GNAS: variants seen among roughly 807,000 people sequenced by gnomAD.
GNAS encodes the protein GNAS complex locus, also known as protein ALEX.
GNAS carries 8 observed loss-of-function variants against 54.5 expected under a neutral mutation model. The observed-to-expected ratio is 0.15, with a 90% CI of 0.09 to 0.26. GNAS has a LOEUF of 0.26. Among genes scored for constraint, GNAS ranks in the 10% least tolerant of loss-of-function variants. The probability of loss-of-function intolerance (pLI) is 1.00; values close to 1 mark genes in which losing one functional copy is unlikely to be tolerated. For synonymous variants in GNAS, 204 were observed against 191.4 expected, an observed-to-expected ratio of 1.07 and a Z score of -0.54; for missense variants, 170 against 529.8, an observed-to-expected ratio of 0.32 and a Z score of 6.67.
intron 6 of GNAS, chr20:58,908,939 T>G (rs940856936): frequency 1.5e-6 from 1 of 659,550 alleles, no homozygotes; most frequent in Admixed American, 2.1e-5. Flanking sequence ...GTTCCCTGAT[T>G]CCTAAAATTA....
chr20:58,893,726 T>C (rs1031278980), intron 1 of GNAS, among the ~76,000 whole-genome samples: 2 of 152,266 alleles, frequency 1.3e-5, no homozygotes, highest in African/African-American at 4.8e-5. Flanking sequence ...GTTGGGATAT[T>C]AGTATGCGTA....
rs758874023 is a variant in GNAS, at chr20:58,854,713, G to T, written c.43+13827G>T. On this transcript the variant is annotated intron_variant, in intron 1 of 12. Coordinates refer to the GNAS transcript ENST00000306090. ...GCCGCCCCTGCGGCTGCTGAGACCCGGGCAGCCCATGTCGCCCCAGCTGCG... is the reference window on the plus strand; with the variant it reads ...GCCGCCCCTGCGGCTGCTGAGACCCTGGCAGCCCATGTCGCCCCAGCTGCG... 4 of 1,533,132 alleles carry T rather than the reference G, an allele frequency of 2.6e-6. No individual in the cohort carries two copies. In the Admixed American group the frequency reaches 5.9e-5, roughly 23 times the overall value. The allele number at this position is 1,533,132 out of a possible 1,614,324, so 95.0% of individuals were successfully genotyped here.
rs564999682 is a variant in GNAS, at chr20:58,854,645, C to T, written c.43+13759C>T. 23 of 1,530,246 alleles carry T rather than the reference C, an allele frequency of 1.5e-5. No homozygotes were observed. Among genetic ancestry groups the T allele is most frequent in the Middle Eastern group, 1.9e-4 (1 of 5,346 alleles). The allele number at this position is 1,530,246 out of a possible 1,614,324, so 94.8% of individuals were successfully genotyped here. A position where few individuals can be genotyped will look rare whatever the true frequency, so the allele number is the denominator to read the frequency against. On this transcript the variant is annotated intron_variant, in intron 1 of 12. Coordinates refer to the GNAS transcript ENST00000306090. Reference sequence around the variant, plus strand: ...ATCCCGACTCCGGGGCGGCCCCTGACGCCCCAGCCGATCCAGATGCCGGGG... The same window carrying T: ...ATCCCGACTCCGGGGCGGCCCCTGATGCCCCAGCCGATCCAGATGCCGGGG...
chr20:58,905,238 C>G lies in GNAS; in HGVS notation c.433-145C>G, dbSNP rs945080418. The G allele has an allele frequency of 4.4e-6, 3 of 682,062 alleles. No homozygotes were observed. The African/African-American group carries it at 5.3e-5, about 12-fold the overall frequency. The allele number at this position is 682,062 out of a possible 1,614,324, so 42.3% of individuals were successfully genotyped here. A position where few individuals can be genotyped will look rare whatever the true frequency, so the allele number is the denominator to read the frequency against. On this transcript the variant is annotated intron_variant, in intron 5 of 12. Transcript: ENST00000371085. Reference sequence around the variant, plus strand: ...GTGTTGAATTAAAGTTCTTTGTGAGCATTAATTCATTAATTGGGCTCAAAA... The same window carrying G: ...GTGTTGAATTAAAGTTCTTTGTGAGGATTAATTCATTAATTGGGCTCAAAA...
intron 2 of GNAS, among the ~76,000 whole-genome samples, chr20:58,896,276 C>A (rs2090042704): frequency 6.6e-6 from 1 of 151,820 alleles, no homozygotes; most frequent in South Asian, 2.1e-4. Context: ...ATCATTGTTT[C>A]CCTTTAAAAC....
At chr20:58,865,111 C>T (rs1410306166) in intron 1 of GNAS, among the ~76,000 whole-genome samples, 4 of 152,030 alleles carry the variant, frequency 2.6e-5, no homozygotes, top group African/African-American at 9.7e-5. Context: ...CTGTAACTTG[C>T]GTATCTTAAA....
Position 58,905,429 on chromosome 20 carries a change from G to A in GNAS, c.479G>A (p.Arg160His), listed in dbSNP as rs11554274. The change falls in exon 6 of 13, where the codon CGT (arginine) becomes CAT (histidine). Residue 160 changes from arginine (R) to histidine (H), a missense_variant. Physicochemically the swap from Arg to His is conservative, Grantham distance 29 (BLOSUM62 0). Transcript: ENST00000371085. ...GCTCTGTGGGAGGATGAAGGAGTGC[G>A]TGCCTGCTACGAACGCTCCAACGAG... ...AKALWEDEGV[R>H]ACYERSNEYQ... 6.2e-7 allele frequency: 1 copy of A among 1,610,756 alleles called. No individual in the cohort carries two copies. The highest frequency in any genetic ancestry group is 8.5e-7 in the Non-Finnish European group (1 of 1,176,930).
At chr20:58,897,954 T>G (rs2090221187) in intron 2 of GNAS, 1 of 152,254 alleles carries the variant, frequency 6.6e-6, no homozygotes, top group South Asian at 2.1e-4. Flanking sequence ...TGCGTTTTGT[T>G]AGGGCTCGGC....
intron 1 of GNAS, among the ~76,000 whole-genome samples, chr20:58,852,444 C>G (rs988540345): frequency 1.3e-5 from 2 of 152,230 alleles, no homozygotes; most frequent in African/African-American, 4.8e-5. Context: ...CCTACGCGTG[C>G]CTGCGCCCCT....
chr20:58,854,054 G>C (rs768075776), intron 1 of GNAS: 2 of 1,610,968 alleles, frequency 1.2e-6, no homozygotes, highest in Non-Finnish European at 1.7e-6. Context: ...CCTCGAGTGC[G>C]GTCCGCCTCA....
At chr20:58,851,437 A>G (rs1306027396) in intron 1 of GNAS, among the ~76,000 whole-genome samples, 1 of 152,126 alleles carries the variant, frequency 6.6e-6, no homozygotes, top group Non-Finnish European at 1.5e-5. Flanking sequence ...AGGGTTCTGC[A>G]GGTCAGATGA....
intron 1 of GNAS, among the ~76,000 whole-genome samples, chr20:58,864,586 T>C (rs1006197124): frequency 2.6e-5 from 4 of 151,776 alleles, no homozygotes; most frequent in African/African-American, 9.7e-5. Context: ...CACTAGATGG[T>C]GAGACAGTAT....
chr20:58,909,765 A>G lies in GNAS; in HGVS notation c.800A>G (p.Gln267Arg). 1.2e-6 allele frequency: 2 copies of G among 1,614,036 alleles called. No individual in the cohort carries two copies. The highest frequency in any genetic ancestry group is 1.7e-6 in the Non-Finnish European group (2 of 1,180,012). The change falls in exon 10 of 13, where the codon CAG becomes CGG. Residue 267 changes from glutamine to arginine, a missense_variant. Around this residue, in one of 3 missense-constraint regions of GNAS, gnomAD observed 36 missense variants for 223.0 expected, o/e 0.16. Transcript: ENST00000371085. This position sits in a 1 kb window ranked among gnomAD's most constrained non-coding sequence, Gnocchi z 7.3. Reference sequence around the variant, plus strand: ...GAGGACAACCAGACCAACCGCCTGCAGGAGGCTCTGAACCTCTTCAAGAGC... The same window carrying G: ...GAGGACAACCAGACCAACCGCCTGCGGGAGGCTCTGAACCTCTTCAAGAGC... ...IREDNQTNRL[Q>R]EALNLFKSIW...
chr20:58,851,157 A>C (rs2086155684), intron 1 of GNAS, among the ~76,000 whole-genome samples: 1 of 152,170 alleles, frequency 6.6e-6, no homozygotes, highest in Admixed American at 6.5e-5. Context: ...CATAGAGCTA[A>C]AGCGATATAT....
At chr20:58,871,623 A>G (rs962361562) in intron 1 of GNAS, among the ~76,000 whole-genome samples, 2 of 148,148 alleles carry the variant, frequency 1.3e-5, no homozygotes, top group Non-Finnish European at 3.0e-5. Context: ...GAAAAAAAAA[A>G]AAAAAACAAA....
chr20:58,892,082 A>G, intron 1 of GNAS: 1 of 961,622 alleles, frequency 1.0e-6, no homozygotes. Context: ...GGCCGTGGCG[A>G]CGCGGGCGCG....
chr20:58,864,860 T>C (rs1422008154), intron 1 of GNAS, among the ~76,000 whole-genome samples: 4 of 151,948 alleles, frequency 2.6e-5, no homozygotes, highest in African/African-American at 9.7e-5. Context: ...TTTATTGACA[T>C]TTTTTCATGG....
At chr20:58,851,993 G>A (rs1052980304) in intron 1 of GNAS, among the ~76,000 whole-genome samples, 2 of 152,104 alleles carry the variant, frequency 1.3e-5, no homozygotes, top group African/African-American at 4.8e-5. Flanking sequence ...CCCTAAACCG[G>A]CATTAAACCC....
intron 1 of GNAS, among the ~76,000 whole-genome samples, chr20:58,846,474 G>A (rs1319431102): frequency 6.6e-6 from 1 of 152,200 alleles, no homozygotes. Context: ...AATTTCATAG[G>A]TGTGGAGTTT....
Sources: gnomAD v4.1 joint callset for allele counts (sites outside exome capture counted in the v4.1 genomes callset) on GRCh38, gnomAD v4.1.1 for gene constraint, gnomAD v4.1.1 regional missense constraint, Gnocchi (gnomAD v3.1) non-coding constraint, MANE v1.5 for transcripts, NCBI Gene and HGNC (gene_info 2026-07-23, HGNC 2026-07-21) for gene names.